The following IL6ST variants were observed in gnomAD, a reference collection of about 807,000 sequenced individuals.
The protein encoded by IL6ST is interleukin 6 cytokine family signal transducer.
In IL6ST, 24 loss-of-function variants were observed where a neutral mutation model predicts 91.3. That is an observed-to-expected ratio of 0.26 (90% confidence interval 0.19 to 0.37). The LOEUF is 0.37. IL6ST is among the 10% of genes least tolerant of loss of function. IL6ST has a pLI of 1.00. For synonymous variants in IL6ST, 351 were observed against 373.6 expected (o/e 0.94, Z 0.70); for missense variants, 914 against 1,078.5 (o/e 0.85, Z 2.14).
chr5:55,942,813 A>G, intron 15 of IL6ST, 62 bp from the exon 16 acceptor site: 1 of 849,602 alleles, frequency 1.2e-6, no homozygotes. Flanking sequence ...AATAGTCCCT[A>G]TTTCTAAACA....
At chr5:55,972,682 G>A (rs1281772947) in intron 3 of IL6ST, among the ~76,000 whole-genome samples, 1 of 151,940 alleles carries the variant, frequency 6.6e-6, no homozygotes, top group Non-Finnish European at 1.5e-5. Context: ...AATGTTTATA[G>A]GGCAAGATGA....
intron 1 of IL6ST, among the ~76,000 whole-genome samples, chr5:55,993,331 T>TC (rs2111964317): frequency 6.6e-6 from 1 of 152,324 alleles, no homozygotes; most frequent in South Asian, 2.1e-4. Context: ...TCAGCGAGAC[T>TC]CCTGTTTCCT....
At chr5:55,952,378 T>C (rs375401229) in intron 11 of IL6ST, 27 bp from the exon 12 acceptor site, 101 of 1,297,690 alleles carry the variant, frequency 7.8e-5, no homozygotes, top group Non-Finnish European at 1.0e-4. Context: ...AGATTAAGCA[T>C]GTTTTTCCAT....
In IL6ST at chr5:55,947,211, A is replaced by G. The variant is rs1359895776; in HGVS notation, c.1937+282T>C. On this transcript the variant is annotated intron_variant, in intron 15 of 16. Coordinates refer to ENST00000381298, the MANE Select transcript of IL6ST (RefSeq NM_002184.4). Reference sequence around the variant, plus strand: ...TGAAACTCTGTCTCAAAATAGATAGATAAATAAAAATTCTAGAAAAGGCAA... The same window carrying G: ...TGAAACTCTGTCTCAAAATAGATAGGTAAATAAAAATTCTAGAAAAGGCAA... 3.3e-5 allele frequency among the ~76,000 whole-genome samples: 5 copies of G among 152,214 alleles called. No individual in the cohort carries two copies. In the East Asian group the frequency reaches 9.6e-4, roughly 29 times the overall value.
intron 7 of IL6ST, among the ~76,000 whole-genome samples, chr5:55,962,416 C>CT (rs1368287862): frequency 6.6e-6 from 1 of 152,112 alleles, no homozygotes; most frequent in Non-Finnish European, 1.5e-5. Context: ...TGGTGATAGC[C>CT]TTTTTAAAAG....
chr5:55,964,073 A>G, intron 6 of IL6ST, 73 bp downstream of exon 6: 1 of 715,490 alleles, frequency 1.4e-6, no homozygotes, highest in Non-Finnish European at 2.1e-6. Flanking sequence ...TAAAAAATCT[A>G]AATATAAAAA....
Position 55,940,678 on chromosome 5 carries a change from C to T in IL6ST, c.*404G>A, listed in dbSNP as rs377214457. Reference sequence around the variant, plus strand: ...TTGCTCCTCTTTTATATTAACTGTCCCTAAGCCACTCTGATGACTATTCTA... The same window carrying T: ...TTGCTCCTCTTTTATATTAACTGTCTCTAAGCCACTCTGATGACTATTCTA... On this transcript the variant is annotated 3_prime_UTR_variant, in exon 17 of 17. Coordinates refer to ENST00000381298, the MANE Select transcript of IL6ST (RefSeq NM_002184.4). 1 of 229,766 alleles carries T rather than the reference C, an allele frequency of 4.4e-6. No individual in the cohort carries two copies. The allele number at this position is 229,766 out of a possible 1,614,324, so 14.2% of individuals were successfully genotyped here.
intron 3 of IL6ST, among the ~76,000 whole-genome samples, chr5:55,970,754 A>C (rs1752914900): frequency 1.3e-5 from 2 of 152,134 alleles, no homozygotes; most frequent in African/African-American, 4.8e-5. Flanking sequence ...TAAAAATACA[A>C]AAATTAGCTG....
chr5:55,957,171 AGATTTAT>A, intron 9 of IL6ST, 31 bp downstream of exon 9: 1 of 1,097,972 alleles, frequency 9.1e-7, no homozygotes, highest in Non-Finnish European at 1.3e-6. Flanking sequence ...AAAAAAAAAA[AGATTTAT>A]AAGAGATAAA....
intron 3 of IL6ST, among the ~76,000 whole-genome samples, chr5:55,971,966 A>C (rs1036089631): frequency 2.6e-5 from 4 of 152,164 alleles, no homozygotes; most frequent in Non-Finnish European, 5.9e-5. Context: ...CTTAGTGCAT[A>C]TATTACTCTC....
chr5:55,970,894 A>C (rs10055770), intron 3 of IL6ST, among the ~76,000 whole-genome samples: 78,278 of 151,790 alleles, frequency 0.52, 21,387 homozygotes, highest in African/African-American at 0.67. Flanking sequence ...AGAGTGAGAC[A>C]GAGTCTCAAA....
chr5:55,968,409 A>G lies in IL6ST; in HGVS notation c.371-13T>C, dbSNP rs894798972. 27 of 1,609,010 alleles carry G rather than the reference A, an allele frequency of 1.7e-5. No homozygotes were observed. The highest frequency in any genetic ancestry group is 2.2e-5 in the Non-Finnish European group (26 of 1,177,802). On this transcript the variant is annotated splice_polypyrimidine_tract_variant and intron_variant, in intron 4 of 16. Coordinates refer to ENST00000381298, the MANE Select transcript of IL6ST (RefSeq NM_002184.4). ...TTTTCTGGAGGCACTAAAAGGGATT[A>G]ATTAGCATCTTTCAGAAAGCTTTAT...
In IL6ST at chr5:55,938,660, A is replaced by G. The variant is rs1407946758; in HGVS notation, c.*2422T>C. On this transcript the variant is annotated 3_prime_UTR_variant, in exon 17 of 17. Transcript: ENST00000381298. ...TATTAGACTAGTTTTTACATAAATA[A>G]CCAGATTTCTTTGCCTACCTAAAGT... is the stretch of plus-strand genomic sequence containing the variant. 2 of 196,138 alleles carry G rather than the reference A, an allele frequency of 1.0e-5. No individual in the cohort carries two copies. Among genetic ancestry groups the G allele is most frequent in the Non-Finnish European group, 2.1e-5 (2 of 94,280 alleles). 12.1% of individuals were successfully genotyped at this position (196,138 alleles called of 1,614,324 possible). A position where few individuals can be genotyped will look rare whatever the true frequency, so the allele number is the denominator to read the frequency against.
At chr5:55,985,102 T>C (rs1388375015) in intron 1 of IL6ST, among the ~76,000 whole-genome samples, 1 of 152,252 alleles carries the variant, frequency 6.6e-6, no homozygotes, top group Non-Finnish European at 1.5e-5. Context: ...ATTATTTTCT[T>C]GTATGCTTGT....
chr5:55,959,679 A>G, intron 8 of IL6ST: 1 of 1,259,496 alleles, frequency 7.9e-7, no homozygotes. Flanking sequence ...GTGCTATTAG[A>G]AAAAAAATGA....
rs1162380883 is a variant in IL6ST, at chr5:55,938,104, G to A, written c.*2978C>T. On this transcript the variant is annotated 3_prime_UTR_variant, in exon 17 of 17. Coordinates refer to ENST00000381298, the MANE Select transcript of IL6ST (RefSeq NM_002184.4). ...AAATATGAGCTTTAATGAATGTTTT[G>A]TAACATTTTAAAGTTGTAACATTTC... 1.1e-5 allele frequency: 2 copies of A among 189,476 alleles called. No homozygotes were observed. Among genetic ancestry groups the A allele is most frequent in the Non-Finnish European group, 1.1e-5 (1 of 90,196 alleles). 11.7% of individuals were successfully genotyped at this position (189,476 alleles called of 1,614,324 possible).
chr5:55,994,842 AGGCTG>A lies in IL6ST; in HGVS notation c.-167_-163del, dbSNP rs1754565387. 6.6e-6 allele frequency: 1 copy of A among 152,206 alleles called. No homozygotes were observed. Among genetic ancestry groups the A allele is most frequent in the Non-Finnish European group, 1.5e-5 (1 of 68,122 alleles). 9.4% of individuals were successfully genotyped at this position (152,206 alleles called of 1,614,324 possible). The stretch of plus-strand genomic sequence containing the variant: ...CACAGCGCACGAACCCCTTGGCGCC[AGGCTG>A]GGCCAGACCCGTCGGCCTGGCAGGC... On this transcript the variant is annotated 5_prime_UTR_variant, in exon 1 of 17. Transcript: ENST00000381298.
chr5:55,994,713 C>A (rs1245214926), intron 1 of IL6ST, 71 bp downstream of exon 1: 1 of 152,436 alleles, frequency 6.6e-6, no homozygotes, highest in East Asian at 1.9e-4. Context: ...TCCTCGAGTG[C>A]CAGATAGCCC....
rs950004472 is a variant in IL6ST, at chr5:55,964,319, A to G, written c.492-7T>C. Reference sequence around the variant, plus strand: ...AGCAAACTTGTGTGTTGCCCTAAATACAAAAAATTGAAGAATCAGTCATTA... The same window carrying G: ...AGCAAACTTGTGTGTTGCCCTAAATGCAAAAAATTGAAGAATCAGTCATTA... On this transcript the variant is annotated splice_polypyrimidine_tract_variant and splice_region_variant and intron_variant, in intron 5 of 16. Coordinates refer to ENST00000381298, the MANE Select transcript of IL6ST (RefSeq NM_002184.4). 5.6e-6 allele frequency: 9 copies of G among 1,594,328 alleles called. No homozygotes were observed. Among genetic ancestry groups the G allele is most frequent in the Non-Finnish European group, 7.7e-6 (9 of 1,170,278 alleles).
Sources: gnomAD v4.1 joint callset for allele counts (sites outside exome capture counted in the v4.1 genomes callset) on GRCh38, gnomAD v4.1.1 for gene constraint, MANE v1.5 for transcripts, NCBI Gene and HGNC (gene_info 2026-07-23, HGNC 2026-07-21) for gene names.